The following SOX5 variants were observed in gnomAD, a reference collection of about 807,000 sequenced individuals.
SOX5 encodes the protein transcription factor SOX-5.
In SOX5, 9 loss-of-function variants were observed where a neutral mutation model predicts 92.0. The observed-to-expected ratio is 0.10, with a 90% CI of 0.06 to 0.17. The LOEUF is 0.17. Ranked by LOEUF, SOX5 falls within the 10% of genes least tolerant of loss-of-function variation. SOX5 has a pLI of 1.00. For synonymous variants in SOX5, 344 were observed against 336.3 expected (o/e 1.02, Z -0.25); for missense variants, 642 against 944.5 (o/e 0.68, Z 4.20).
chr12:23,950,625 G>T (rs1945457840), upstream of SOX5, among the ~76,000 whole-genome samples: 1 of 152,208 alleles, frequency 6.6e-6, no homozygotes, highest in African/African-American at 2.4e-5. Context: ...GATCGCTGGG[G>T]AGGTCAGGAG....
intron 1 of SOX5, among the ~76,000 whole-genome samples, chr12:24,475,983 G>A (rs186872892): frequency 2.2e-3 from 271 of 123,278 alleles, no homozygotes; most frequent in African/African-American, 8.0e-3. Flanking sequence ...CCCTGTCTCC[G>A]AAATACATTT....
intron 4 of SOX5, among the ~76,000 whole-genome samples, chr12:23,744,241 C>T (rs2093905229): frequency 6.6e-6 from 1 of 152,166 alleles, no homozygotes; most frequent in Non-Finnish European, 1.5e-5. Context: ...GCTTCAAACT[C>T]TAAGAACTAT....
At chr12:24,207,496 T>A in intron 4 of SOX5, among the ~76,000 whole-genome samples, 1 of 152,170 alleles carries the variant, frequency 6.6e-6, no homozygotes, top group African/African-American at 2.4e-5. Context: ...CAACTTTTGA[T>A]ACTTCAAAAA....
chr12:24,425,934 A>C (rs1966685250), intron 1 of SOX5, among the ~76,000 whole-genome samples: 1 of 152,224 alleles, frequency 6.6e-6, no homozygotes, highest in Non-Finnish European at 1.5e-5. Context: ...TCATGAAAAG[A>C]ATGGCAGCTG....
intron 6 of SOX5, among the ~76,000 whole-genome samples, chr12:23,714,361 C>T (rs2092321481): frequency 6.6e-6 from 1 of 151,722 alleles, no homozygotes; most frequent in South Asian, 2.1e-4. Context: ...AGTGTCTAGG[C>T]CTATAATTCT....
intron 4 of SOX5, among the ~76,000 whole-genome samples, chr12:23,972,300 C>T (rs1948431927): frequency 2.0e-5 from 3 of 152,196 alleles, no homozygotes; most frequent in Admixed American, 2.0e-4. Flanking sequence ...TGCTAAGCCA[C>T]TAAAATATCC....
intron 6 of SOX5, among the ~76,000 whole-genome samples, chr12:23,669,202 T>C (rs562240602): frequency 2.6e-5 from 4 of 152,214 alleles, no homozygotes; most frequent in African/African-American, 9.6e-5. Context: ...AATTCAATAA[T>C]ACAGACTTGT....
intron 3 of SOX5, among the ~76,000 whole-genome samples, chr12:24,251,458 T>C (rs1940019340): frequency 6.6e-6 from 1 of 152,212 alleles, no homozygotes; most frequent in African/African-American, 2.4e-5. Flanking sequence ...ATTTGCCTTA[T>C]TTCTTAGGGT....
intron 4 of SOX5, among the ~76,000 whole-genome samples, chr12:23,959,450 A>T (rs1032204629): frequency 6.6e-6 from 1 of 152,094 alleles, no homozygotes; most frequent in African/African-American, 2.4e-5. Context: ...ATAAAATCAT[A>T]AACTATTAGA....
chr12:24,473,333 C>T (rs1945003937), intron 1 of SOX5, among the ~76,000 whole-genome samples: 1 of 152,190 alleles, frequency 6.6e-6, no homozygotes, highest in Admixed American at 6.5e-5. Flanking sequence ...TCAAGCTACC[C>T]TGCCCCCATG....
intron 3 of SOX5, among the ~76,000 whole-genome samples, chr12:23,805,698 G>A (rs886738864): frequency 2.0e-5 from 3 of 152,100 alleles, no homozygotes; most frequent in African/African-American, 7.2e-5. Flanking sequence ...TAGAGGACAG[G>A]AATCAGGATG....
At chr12:23,936,981 C>T (rs1336636097) in intron 1 of SOX5, among the ~76,000 whole-genome samples, 1 of 150,704 alleles carries the variant, frequency 6.6e-6, no homozygotes, top group Non-Finnish European at 1.5e-5. Context: ...GAAAGGAGCA[C>T]AAATAGAGAG....
At chr12:23,625,050 T>C (rs542850331) in intron 8 of SOX5, among the ~76,000 whole-genome samples, 40 of 152,330 alleles carry the variant, frequency 2.6e-4, no homozygotes, top group Middle Eastern at 3.4e-3. Context: ...ATGTTTTAAG[T>C]GTGCAGGAGA....
At chr12:24,322,193 G>A (rs1366932998) in intron 2 of SOX5, among the ~76,000 whole-genome samples, 3 of 151,966 alleles carry the variant, frequency 2.0e-5, no homozygotes, top group African/African-American at 7.3e-5. Context: ...TCTCATTCAT[G>A]ACATGAAAAA....
intron 2 of SOX5, among the ~76,000 whole-genome samples, chr12:24,295,335 T>G (rs1174854070): frequency 1.3e-5 from 2 of 152,188 alleles, no homozygotes; most frequent in Non-Finnish European, 2.9e-5. Flanking sequence ...TAAGTACATG[T>G]ATCTATTCAA....
intron 6 of SOX5, among the ~76,000 whole-genome samples, chr12:23,711,142 T>C (rs2092009317): frequency 6.6e-6 from 1 of 152,186 alleles, no homozygotes; most frequent in South Asian, 2.1e-4. Context: ...AAAGAGTCTA[T>C]TTCTATGTTG....
intron 4 of SOX5, among the ~76,000 whole-genome samples, chr12:23,999,140 C>CTG (rs1384723605): frequency 0.15 from 20,831 of 141,150 alleles, 1,574 homozygotes; most frequent in South Asian, 0.21. Context: ...AAAAAAGACT[C>CTG]TGTGTGTGTG....
intron 8 of SOX5, among the ~76,000 whole-genome samples, chr12:23,608,978 G>A (rs574879757): frequency 7.3e-4 from 111 of 152,276 alleles, no homozygotes; most frequent in African/African-American, 2.6e-3. Flanking sequence ...TAAGTATACT[G>A]TAACTGTATG....
intron 4 of SOX5, among the ~76,000 whole-genome samples, chr12:24,158,922 T>C: frequency 6.6e-6 from 1 of 151,934 alleles, no homozygotes; most frequent in East Asian, 1.9e-4. Flanking sequence ...TCAATGAAGT[T>C]GGTTTCTTAT....
Sources: allele counts gnomAD v4.1 joint callset (sites outside exome capture counted in the v4.1 genomes callset), GRCh38; gene constraint gnomAD v4.1.1; transcripts MANE v1.5; gene names NCBI Gene and HGNC (gene_info 2026-07-23, HGNC 2026-07-21).